PCP4L1: variants seen among roughly 807,000 people sequenced by gnomAD.
The protein encoded by PCP4L1 is Purkinje cell protein 4 like 1.
A neutral mutation model predicts 9.6 loss-of-function variants in PCP4L1; 9 were observed. The ratio of observed to expected loss-of-function variants is 0.94; its 90% CI spans 0.57 to 1.64. The LOEUF is 1.64. Ranked by LOEUF, PCP4L1 falls within the 40% of genes most tolerant of loss-of-function variation. The pLI is 0.00. For synonymous variants in PCP4L1, 31 were observed against 28.2 expected, an observed-to-expected ratio of 1.10 and a Z score of -0.31; for missense variants, 81 against 80.8, an observed-to-expected ratio of 1.00 and a Z score of -0.01.
chr1:161,280,735 T>C (rs1241020097), intron 1 of PCP4L1, among the ~76,000 whole-genome samples: 2 of 152,238 alleles, frequency 1.3e-5, no homozygotes, highest in Non-Finnish European at 2.9e-5. Flanking sequence ...CCTGAAATAT[T>C]TTCTTCACGT....
At chr1:161,281,778 CATCCCGGACGGGGCGGCG>C (rs1669815135) in intron 1 of PCP4L1, among the ~76,000 whole-genome samples, 1 of 29,616 alleles carries the variant, frequency 3.4e-5, no homozygotes, top group African/African-American at 3.3e-4. Flanking sequence ...GCGCTCCTCA[CATCCCGGACGGGGCGGCG>C]GGGCAGAGGC....
intron 1 of PCP4L1, among the ~76,000 whole-genome samples, chr1:161,281,054 T>C (rs1470263467): frequency 3.3e-5 from 5 of 152,162 alleles, no homozygotes; most frequent in Non-Finnish European, 7.3e-5. Context: ...TTAACGAGCA[T>C]GCTGCCTTCA....
intron 1 of PCP4L1, among the ~76,000 whole-genome samples, chr1:161,266,285 G>A (rs1292435196): frequency 3.3e-5 from 5 of 152,302 alleles, no homozygotes; most frequent in South Asian, 2.1e-4. Flanking sequence ...AGGCTGCAGC[G>A]GGGATTAATA....
At chr1:161,262,920 T>C (rs1571790035) in intron 1 of PCP4L1, among the ~76,000 whole-genome samples, 2 of 152,230 alleles carry the variant, frequency 1.3e-5, no homozygotes, top group East Asian at 1.9e-4. Context: ...TATTTTATCA[T>C]AGAGAAAAAT....
chr1:161,261,099 A>T (rs1386117190), intron 1 of PCP4L1, among the ~76,000 whole-genome samples: 1 of 152,144 alleles, frequency 6.6e-6, no homozygotes, highest in Non-Finnish European at 1.5e-5. Context: ...GGCCAGCCCC[A>T]TGGGGCTCCT....
At chr1:161,279,062 C>T (rs974102851) in intron 1 of PCP4L1, among the ~76,000 whole-genome samples, 2 of 152,220 alleles carry the variant, frequency 1.3e-5, no homozygotes, top group Non-Finnish European at 2.9e-5. Context: ...AGATTACAGG[C>T]ATGAGCCACT....
intron 1 of PCP4L1, among the ~76,000 whole-genome samples, chr1:161,281,761 GGCAGAGGCGC>G (rs1456248124): frequency 1.0e-4 from 3 of 29,570 alleles, no homozygotes. Context: ...GTCACGGCCG[GGCAGAGGCGC>G]TCCTCACATC....
intron 1 of PCP4L1, among the ~76,000 whole-genome samples, chr1:161,276,893 A>T (rs1041812079): frequency 5.3e-5 from 8 of 152,096 alleles, no homozygotes; most frequent in Non-Finnish European, 8.8e-5. Context: ...ATTTTTAATA[A>T]TTTTTTTCTA....
At chr1:161,281,217 A>G (rs1056532389) in intron 1 of PCP4L1, among the ~76,000 whole-genome samples, 4 of 152,068 alleles carry the variant, frequency 2.6e-5, no homozygotes, top group Admixed American at 6.5e-5. Context: ...ACAGAACAAA[A>G]TGAAAAGTCT....
intron 1 of PCP4L1, among the ~76,000 whole-genome samples, chr1:161,278,652 TG>T (rs1465722716): frequency 6.6e-6 from 1 of 152,140 alleles, no homozygotes; most frequent in Non-Finnish European, 1.5e-5. Context: ...AAACCTATAA[TG>T]CCTTTTCATC....
In PCP4L1 at chr1:161,283,698, C is replaced by T; in HGVS notation, c.40C>T (p.Gln14Ter). 1 of 1,606,208 alleles carries T rather than the reference C, an allele frequency of 6.2e-7. No individual in the cohort carries two copies. Residue 14 changes from glutamine (Q) to a stop codon, truncating the protein, a stop_gained, in exon 2 of 3, where the codon CAG becomes TAG. Transcript: ENST00000504449. LOFTEE classifies it high-confidence loss of function. ...TACCAAAACATCCCCAGCAACCAAC[C>T]AGGCAGCTGGCCAAGAGGAAAAAGG... ...LNTKTSPATN[Q>*]AAGQEEKGKA...
At chr1:161,271,180 G>A (rs1229885493) in intron 1 of PCP4L1, among the ~76,000 whole-genome samples, 2 of 152,180 alleles carry the variant, frequency 1.3e-5, no homozygotes, top group African/African-American at 4.8e-5. Context: ...CACCAACAAC[G>A]TATGAGAGTT....
chr1:161,268,427 C>T (rs1252043504), intron 1 of PCP4L1, among the ~76,000 whole-genome samples: 1 of 152,186 alleles, frequency 6.6e-6, no homozygotes, highest in Non-Finnish European at 1.5e-5. Context: ...GCAATAAATA[C>T]CTCAGCATCT....
chr1:161,274,711 A>G (rs1382230939), intron 1 of PCP4L1, among the ~76,000 whole-genome samples: 2 of 152,190 alleles, frequency 1.3e-5, no homozygotes, highest in Admixed American at 1.3e-4. Context: ...AGAGGGTGGG[A>G]GCAGACAACT....
intron 2 of PCP4L1, 69 bp from the exon 3 acceptor site, chr1:161,284,270 T>A (rs1669869856): frequency 5.0e-6 from 8 of 1,607,446 alleles, no homozygotes. Flanking sequence ...CCCACTGTAT[T>A]GGGGGCCTGG....
Position 161,284,353 on chromosome 1 carries a change from G to C in PCP4L1, c.79G>C (p.Val27Leu). Reference protein sequence around the residue: ...GQEEKGKAGNVKKAEEEEEID... With the variant: ...GQEEKGKAGNLKKAEEEEEID... ...ACTATCTGCAGGAAAAGCTGGCAAT[G>C]TCAAGAAGGCGGAGGAGGAGGAGGA... Residue 27 changes from valine to leucine, a missense_variant, in exon 3 of 3, where the codon GTC becomes CTC. Physicochemically the swap from Val to Leu is conservative, Grantham distance 32. Coordinates refer to ENST00000504449, the MANE Select transcript of PCP4L1 (RefSeq NM_001102566.2). 1.2e-6 allele frequency: 2 copies of C among 1,614,016 alleles called. No individual in the cohort carries two copies. Among genetic ancestry groups the C allele is most frequent in the Non-Finnish European group, 1.7e-6 (2 of 1,179,894 alleles).
chr1:161,276,689 A>T (rs1411638826), intron 1 of PCP4L1, among the ~76,000 whole-genome samples: 1 of 150,204 alleles, frequency 6.7e-6, no homozygotes, highest in Admixed American at 6.7e-5. Flanking sequence ...CTTAAAAAAA[A>T]AAAAAAGGAA....
At chr1:161,273,405 C>T (rs1232930793) in intron 1 of PCP4L1, among the ~76,000 whole-genome samples, 2 of 152,004 alleles carry the variant, frequency 1.3e-5, no homozygotes, top group African/African-American at 4.8e-5. Context: ...TGGAGTATTG[C>T]TTGAGTGAGA....
At chr1:161,267,762 G>A (rs550288362) in intron 1 of PCP4L1, among the ~76,000 whole-genome samples, 20 of 152,212 alleles carry the variant, frequency 1.3e-4, no homozygotes, top group African/African-American at 3.6e-4. Flanking sequence ...GGCTGGAGTG[G>A]AGTGCAGTGG....
Sources: gnomAD v4.1 joint callset for allele counts (sites outside exome capture counted in the v4.1 genomes callset) on GRCh38, gnomAD v4.1.1 for gene constraint, MANE v1.5 for transcripts, NCBI Gene and HGNC (gene_info 2026-07-23, HGNC 2026-07-21) for gene names.